Variants in SMPD3 observed in about 807,000 individuals in gnomAD.
SMPD3 encodes nSMase-2.
Under a neutral mutation model 55.7 loss-of-function variants are expected in SMPD3, and 21 were observed. The observed-to-expected ratio is 0.38, with a 90% CI of 0.27 to 0.54. The LOEUF (loss-of-function observed/expected upper bound fraction) is 0.54, where lower values mean the gene tolerates loss of function less well. Ranked by LOEUF, SMPD3 falls within the 20% of genes least tolerant of loss-of-function variation. SMPD3 has a pLI of 0.80. For missense variants in SMPD3, 842 were observed against 899.6 expected (o/e 0.94, Z 0.82); for synonymous variants, 457 against 404.3 (o/e 1.13, Z -1.56).
At chr16:68,361,552 G>C in intron 8 of SMPD3, 51 bp downstream of exon 8, 1 of 1,594,836 alleles carries the variant, frequency 6.3e-7, no homozygotes, top group South Asian at 1.1e-5. Context: ...GCAGGGCCCG[G>C]GCCCTGCTCT....
At chr16:68,379,768 G>A (rs989094542) in intron 2 of SMPD3, among the ~76,000 whole-genome samples, 4 of 152,236 alleles carry the variant, frequency 2.6e-5, no homozygotes, top group Non-Finnish European at 4.4e-5. Context: ...TTACTGCACC[G>A]TGTGATTTCT....
chr16:68,425,115 TG>T (rs1484775400), intron 1 of SMPD3, among the ~76,000 whole-genome samples: 1 of 152,218 alleles, frequency 6.6e-6, no homozygotes, highest in African/African-American at 2.4e-5. Context: ...CCTCAGCTGA[TG>T]GGATGGTGCC....
At chr16:68,411,959 G>C (rs573838147) in intron 1 of SMPD3, among the ~76,000 whole-genome samples, 4 of 152,138 alleles carry the variant, frequency 2.6e-5, no homozygotes, top group African/African-American at 7.2e-5. Context: ...AGGCTGGGGT[G>C]GGGGAGCTTT....
At chr16:68,415,752 T>C (rs1461269845) in intron 1 of SMPD3, among the ~76,000 whole-genome samples, 1 of 151,844 alleles carries the variant, frequency 6.6e-6, no homozygotes, top group Non-Finnish European at 1.5e-5. Flanking sequence ...TTTAAAAAGA[T>C]CTACAAATTT....
intron 3 of SMPD3, chr16:68,368,148 A>G (rs2089541952): frequency 6.6e-6 from 1 of 152,390 alleles, no homozygotes; most frequent in Admixed American, 6.5e-5. Context: ...TCTGATGGAC[A>G]GACAAGACCC....
chr16:68,374,978 C>A (rs2089773167), intron 2 of SMPD3, among the ~76,000 whole-genome samples: 1 of 152,210 alleles, frequency 6.6e-6, no homozygotes. Context: ...AAGGTCCAGG[C>A]CAGATTCTTG....
In SMPD3 at chr16:68,361,591, C is replaced by A; in HGVS notation, c.1866+12G>T. ...TTTGCATGGCCCTGGCTGCTGGGCC[C>A]TCCTGACTCACGGCCTTCCAGTCTG... On this transcript the variant is annotated intron_variant, in intron 8 of 8. Transcript: ENST00000219334. 1.9e-6 allele frequency: 3 copies of A among 1,605,498 alleles called. No homozygotes were observed. The highest frequency in any genetic ancestry group is 1.7e-6 in the Non-Finnish European group (2 of 1,179,868).
intron 7 of SMPD3, 139 bp from the exon 8 acceptor site, chr16:68,361,898 C>T (rs2089292260): frequency 7.7e-7 from 1 of 1,301,314 alleles, no homozygotes; most frequent in Non-Finnish European, 1.0e-6. Flanking sequence ...AGATCTCTCC[C>T]CTGCGGGTCC....
chr16:68,438,010 G>C (rs528256371), intron 1 of SMPD3, among the ~76,000 whole-genome samples: 1 of 152,140 alleles, frequency 6.6e-6, no homozygotes, highest in African/African-American at 2.4e-5. Flanking sequence ...CAACCAAAAA[G>C]GGATGTGGAA....
intron 1 of SMPD3, among the ~76,000 whole-genome samples, chr16:68,397,684 C>T (rs1428402938): frequency 6.6e-6 from 1 of 152,186 alleles, no homozygotes; most frequent in Non-Finnish European, 1.5e-5. Context: ...TTCTTGGTCC[C>T]GTTCTCTCTC....
At chr16:68,388,031 C>T (rs933452180) in intron 1 of SMPD3, among the ~76,000 whole-genome samples, 14 of 152,336 alleles carry the variant, frequency 9.2e-5, no homozygotes, top group African/African-American at 3.1e-4. Flanking sequence ...ACTTCTGAGC[C>T]TCAGAGGCTC....
Position 68,361,690 on chromosome 16 carries a change from C to T in SMPD3, c.1779G>A (p.Lys593=). The T allele has an allele frequency of 1.2e-6, 2 of 1,613,140 alleles. No individual in the cohort carries two copies. Among genetic ancestry groups the T allele is most frequent in the Non-Finnish European group, 1.7e-6 (2 of 1,179,988 alleles). The change falls in exon 8 of 9, where the codon AAG becomes AAA. Residue 593 remains lysine (K), a synonymous_variant. Coordinates refer to ENST00000219334, the MANE Select transcript of SMPD3 (RefSeq NM_018667.4). ...TGCCCTTCAGCAGCTCCTTCCGCCCCTTCTGGCCCGAGCTCTTGCTGGTGG... is the reference window on the plus strand; with the variant it reads ...TGCCCTTCAGCAGCTCCTTCCGCCCTTTCTGGCCCGAGCTCTTGCTGGTGG... ...AFPTSKSSGQ[K]GRKELLKGNG... is the part of the protein sequence containing the mutation.
chr16:68,370,218 T>C (rs189126027), intron 3 of SMPD3: 59 of 152,834 alleles, frequency 3.9e-4, no homozygotes, highest in African/African-American at 1.3e-3. Flanking sequence ...GCAGAAATAA[T>C]TATGATTCAC....
chr16:68,399,105 C>T (rs568626582), intron 1 of SMPD3, among the ~76,000 whole-genome samples: 53 of 152,292 alleles, frequency 3.5e-4, no homozygotes, highest in Admixed American at 8.5e-4. Context: ...CTCCTCAGGC[C>T]CGCCCAGCCT....
In SMPD3 at chr16:68,422,262, T is replaced by C. The variant is rs375321430; in HGVS notation, c.-269+26091A>G. On this transcript the variant is annotated intron_variant, in intron 1 of 8. Coordinates refer to ENST00000219334, the MANE Select transcript of SMPD3 (RefSeq NM_018667.4). ...CATCACCAAACTACAGCAGAAATCC[T>C]CAGAAGGAGGTGGAATTTATCCTAG... 2.0e-5 allele frequency among the ~76,000 whole-genome samples: 3 copies of C among 152,158 alleles called. No homozygotes were observed. The East Asian group carries it at 5.8e-4, about 29-fold the overall frequency.
chr16:68,425,645 A>G (rs2090430789), intron 1 of SMPD3, among the ~76,000 whole-genome samples: 1 of 152,216 alleles, frequency 6.6e-6, no homozygotes, highest in East Asian at 1.9e-4. Context: ...GGACACATCA[A>G]TGCTGACCCT....
At chr16:68,391,288 T>C (rs952866045) in intron 1 of SMPD3, among the ~76,000 whole-genome samples, 8 of 152,208 alleles carry the variant, frequency 5.3e-5, no homozygotes, top group Admixed American at 2.6e-4. Flanking sequence ...CTGTAGATAC[T>C]GAAGAAGATG....
chr16:68,382,307 C>CA (rs1164842223), intron 2 of SMPD3: 2 of 152,276 alleles, frequency 1.3e-5, no homozygotes, highest in Admixed American at 1.3e-4. Flanking sequence ...CAGATAGAGA[C>CA]AAAGCCCAGA....
rs1045890939 is a variant in SMPD3, at chr16:68,358,665, CAAATGA to C, written c.*2535_*2540del. 14 of 152,736 alleles carry C rather than the reference CAAATGA, an allele frequency of 9.2e-5. No individual in the cohort carries two copies. Among genetic ancestry groups the C allele is most frequent in the African/African-American group, 3.1e-4 (13 of 41,572 alleles). 9.5% of individuals were successfully genotyped at this position (152,736 alleles called of 1,614,324 possible). On this transcript the variant is annotated 3_prime_UTR_variant, in exon 9 of 9. Coordinates refer to ENST00000219334, the MANE Select transcript of SMPD3 (RefSeq NM_018667.4). ...ACTTAAAACTTAAGGTGGTTTTGGA[CAAATGA>C]AAATGAACATTTCCTTCCTCAGTGG... is the stretch of plus-strand genomic sequence containing the variant.
Sources: gnomAD v4.1 joint callset for allele counts (sites outside exome capture counted in the v4.1 genomes callset) on GRCh38, gnomAD v4.1.1 for gene constraint, MANE v1.5 for transcripts, NCBI Gene and HGNC (gene_info 2026-07-23, HGNC 2026-07-21) for gene names.